Variants in IL1RAPL2 observed in about 807,000 individuals in gnomAD.
IL1RAPL2 encodes the protein interleukin 1 receptor accessory protein like 2.
Under a neutral mutation model 44.1 loss-of-function variants are expected in IL1RAPL2, and 3 were observed. That is an observed-to-expected ratio of 0.07 (90% confidence interval 0.03 to 0.18). IL1RAPL2 has a LOEUF of 0.18. IL1RAPL2 is among the 10% of genes least tolerant of loss of function. The pLI is 1.00. For synonymous variants in IL1RAPL2, 181 were observed against 178.8 expected (o/e 1.01, Z -0.10); for missense variants, 391 against 496.4 (o/e 0.79, Z 2.02).
chrX:105,233,134 A>G (rs897417657), intron 3 of IL1RAPL2, among the ~76,000 whole-genome samples: 14 of 111,481 alleles, frequency 1.3e-4, no homozygotes, highest in African/African-American at 3.9e-4. Context: ...ATACAAAAAA[A>G]TTAGCCGGGC....
chrX:105,195,758 G>A lies in IL1RAPL2; in HGVS notation c.356+10G>A, dbSNP rs782704860. On this transcript the variant is annotated intron_variant, in intron 3 of 10. Coordinates refer to ENST00000372582, the MANE Select transcript of IL1RAPL2 (RefSeq NM_017416.2). ...ACACTTGTGTTTTAAGGTGAGTGTTGTGTGAAAACATTGCCCAATCACATG... is the reference window on the plus strand; with the variant it reads ...ACACTTGTGTTTTAAGGTGAGTGTTATGTGAAAACATTGCCCAATCACATG... The A allele has an allele frequency of 8.3e-7, 1 of 1,207,956 alleles. No homozygotes were observed.
intron 4 of IL1RAPL2, among the ~76,000 whole-genome samples, chrX:105,243,614 T>C (rs1368004150): frequency 2.9e-5 from 3 of 104,261 alleles, no homozygotes; most frequent in Non-Finnish European, 5.8e-5. Flanking sequence ...TATTTTTTTT[T>C]TACAAAAGAG....
chrX:105,315,261 T>C (rs908603577), intron 5 of IL1RAPL2, among the ~76,000 whole-genome samples: 2 of 110,051 alleles, frequency 1.8e-5, no homozygotes, highest in Non-Finnish European at 3.8e-5. Context: ...ACTTTTACCC[T>C]GACAGAAAGT....
intron 2 of IL1RAPL2, among the ~76,000 whole-genome samples, chrX:104,676,637 A>G (rs1930765499): frequency 9.0e-6 from 1 of 111,570 alleles, no homozygotes; most frequent in African/African-American, 3.3e-5. Flanking sequence ...CTGAATCTGA[A>G]CATTGGCCTG....
At chrX:105,471,580 CT>C (rs143352963) in intron 5 of IL1RAPL2, among the ~76,000 whole-genome samples, 156 of 100,732 alleles carry the variant, frequency 1.5e-3, no homozygotes, top group East Asian at 3.4e-3. Flanking sequence ...TATGCAGTGC[CT>C]TTTTTTTTTT....
intron 6 of IL1RAPL2, among the ~76,000 whole-genome samples, chrX:105,535,259 G>A (rs1465691636): frequency 1.8e-5 from 2 of 111,632 alleles, no homozygotes; most frequent in Admixed American, 9.5e-5. Flanking sequence ...CGAGACCCAC[G>A]ACTCACCTAG....
chrX:104,815,623 C>T (rs1472855250), intron 2 of IL1RAPL2, among the ~76,000 whole-genome samples: 1 of 111,844 alleles, frequency 8.9e-6, no homozygotes, highest in Non-Finnish European at 1.9e-5. Context: ...CATATGAATA[C>T]ATTTATACAT....
intron 5 of IL1RAPL2, among the ~76,000 whole-genome samples, chrX:105,339,704 G>C (rs1024686363): frequency 6.3e-5 from 7 of 111,477 alleles, no homozygotes; most frequent in African/African-American, 2.3e-4. Context: ...AGTGAGGGAG[G>C]CTTCTAATTA....
chrX:105,759,164 T>A, intron 10 of IL1RAPL2, among the ~76,000 whole-genome samples: 1 of 112,297 alleles, frequency 8.9e-6, no homozygotes, highest in South Asian at 3.7e-4. Context: ...TGTAAAAAGT[T>A]ATTGAATCAG....
chrX:105,401,125 G>A (rs1254905893), intron 5 of IL1RAPL2, among the ~76,000 whole-genome samples: 1 of 111,542 alleles, frequency 9.0e-6, no homozygotes, highest in African/African-American at 3.3e-5. Flanking sequence ...TCATGAGGGT[G>A]AAACCTTCAT....
At chrX:105,126,603 T>C (rs564639707) in intron 2 of IL1RAPL2, among the ~76,000 whole-genome samples, 2 of 111,609 alleles carry the variant, frequency 1.8e-5, no homozygotes, top group South Asian at 3.7e-4. Context: ...TTGTTAAGGA[T>C]TAAATAAAAT....
intron 2 of IL1RAPL2, among the ~76,000 whole-genome samples, chrX:104,967,442 AT>A (rs2030146626): frequency 9.0e-6 from 1 of 111,582 alleles, no homozygotes; most frequent in South Asian, 3.7e-4. Flanking sequence ...CATTAACTAT[AT>A]TAAAAAATAA....
chrX:105,034,473 G>A (rs987077101), intron 2 of IL1RAPL2, among the ~76,000 whole-genome samples: 2 of 112,401 alleles, frequency 1.8e-5, no homozygotes, highest in African/African-American at 6.5e-5. Flanking sequence ...GTCTGTTGGA[G>A]TTTGCTAGAG....
chrX:104,907,623 T>C (rs1294265569), intron 2 of IL1RAPL2, among the ~76,000 whole-genome samples: 1 of 111,887 alleles, frequency 8.9e-6, no homozygotes, highest in Non-Finnish European at 1.9e-5. Flanking sequence ...TTGAGTGAGA[T>C]TCTTAATCCT....
chrX:104,890,680 T>C (rs1923404152), intron 2 of IL1RAPL2, among the ~76,000 whole-genome samples: 1 of 112,399 alleles, frequency 8.9e-6, no homozygotes, highest in African/African-American at 3.2e-5. Flanking sequence ...TTGAGTTCTT[T>C]GTAAATTCTG....
At chrX:105,576,603 C>T (rs2037052313) in intron 6 of IL1RAPL2, among the ~76,000 whole-genome samples, 1 of 111,230 alleles carries the variant, frequency 9.0e-6, no homozygotes, top group Admixed American at 9.6e-5. Context: ...CTTTGAAGAA[C>T]TTATATTCTT....
intron 3 of IL1RAPL2, among the ~76,000 whole-genome samples, chrX:105,230,378 A>C (rs2034057802): frequency 9.1e-6 from 1 of 109,816 alleles, no homozygotes; most frequent in Non-Finnish European, 1.9e-5. Flanking sequence ...CACTGCTGCC[A>C]GTGTGTTGTT....
At chrX:105,697,910 A>G (rs982922316) in intron 6 of IL1RAPL2, among the ~76,000 whole-genome samples, 1 of 111,534 alleles carries the variant, frequency 9.0e-6, no homozygotes, top group African/African-American at 3.3e-5. Flanking sequence ...GGAATTCTTG[A>G]CATTGTTAGG....
chrX:105,188,848 AT>A lies in IL1RAPL2; in HGVS notation c.83-6620del, dbSNP rs1364588893. ...CACAGATGAAATTTTAAAAATCAGT[AT>A]TTTTTTCCACTGACAGAACTTTATT... On this transcript the variant is annotated intron_variant, in intron 2 of 10. Coordinates refer to ENST00000372582, the MANE Select transcript of IL1RAPL2 (RefSeq NM_017416.2). Among the ~76,000 whole-genome samples the A allele has an allele frequency of 2.7e-5, 3 of 112,114 alleles. 1 individual carries two copies. The highest frequency in any genetic ancestry group is 9.5e-5 in the Admixed American group (1 of 10,570).
Sources: gnomAD v4.1 joint callset for allele counts (sites outside exome capture counted in the v4.1 genomes callset) on GRCh38, gnomAD v4.1.1 for gene constraint, MANE v1.5 for transcripts, NCBI Gene and HGNC (gene_info 2026-07-23, HGNC 2026-07-21) for gene names.